Variants in LINGO2 observed in about 807,000 individuals in gnomAD.
LINGO2 encodes the protein leucine-rich repeat and immunoglobulin-like domain-containing nogo receptor-interacting protein 2.
A neutral mutation model predicts 30.6 loss-of-function variants in LINGO2; 14 were observed. The observed-to-expected ratio is 0.46, with a 90% CI of 0.30 to 0.72. LINGO2 has a LOEUF of 0.72. LINGO2 is among the 30% of genes least tolerant of loss of function. LINGO2 has a pLI of 0.07. For synonymous variants in LINGO2, 317 were observed against 288.5 expected (o/e 1.10, Z -1.00); for missense variants, 729 against 751.7 (o/e 0.97, Z 0.35).
intron 4 of LINGO2, chr9:28,149,382 A>C (rs369895266): frequency 9.4e-5 from 35 of 371,914 alleles, no homozygotes; most frequent in African/African-American, 3.0e-4. Flanking sequence ...CGCCTCTGCC[A>C]GGCTGCTCCA....
chr9:28,728,373 T>C, the LINGO2 span, among the ~76,000 whole-genome samples: 1 of 149,994 alleles, frequency 6.7e-6, no homozygotes, highest in Non-Finnish European at 1.5e-5. Context: ...AAATTATTAT[T>C]CACAAAAAAA....
the LINGO2 span, among the ~76,000 whole-genome samples, chr9:29,040,623 T>C: frequency 9.1e-3 from 1,375 of 151,472 alleles, 21 homozygotes; most frequent in African/African-American, 0.032. Flanking sequence ...ACATATGTCA[T>C]TGAGAAGCTT....
chr9:27,961,694 A>C (rs938894324), intron 5 of LINGO2, among the ~76,000 whole-genome samples: 1 of 152,178 alleles, frequency 6.6e-6, no homozygotes, highest in Non-Finnish European at 1.5e-5. Context: ...CGAAAAATAG[A>C]CTTGCAGAAG....
the LINGO2 span, among the ~76,000 whole-genome samples, chr9:29,165,537 G>C: frequency 6.6e-6 from 1 of 151,980 alleles, no homozygotes; most frequent in African/African-American, 2.4e-5. Flanking sequence ...TGTCTCCTGA[G>C]CCTAGGATAA....
intron 4 of LINGO2, among the ~76,000 whole-genome samples, chr9:28,189,168 G>C (rs1819653867): frequency 6.6e-6 from 1 of 150,392 alleles, no homozygotes; most frequent in Admixed American, 6.7e-5. Flanking sequence ...ACTCAGAAAT[G>C]AAAACAAAGA....
chr9:28,669,735 C>T (rs1248322389), intron 1 of LINGO2, among the ~76,000 whole-genome samples: 3 of 151,940 alleles, frequency 2.0e-5, no homozygotes, highest in African/African-American at 7.2e-5. Context: ...AGGAACTCAG[C>T]TTTCATTTAA....
At chr9:28,445,226 C>A (rs895764540) in intron 2 of LINGO2, among the ~76,000 whole-genome samples, 1 of 152,106 alleles carries the variant, frequency 6.6e-6, no homozygotes, top group Non-Finnish European at 1.5e-5. Flanking sequence ...TAAGTCTGAA[C>A]CCTTGTCAAT....
At chr9:29,008,390 C>A in the LINGO2 span, among the ~76,000 whole-genome samples, 1 of 152,044 alleles carries the variant, frequency 6.6e-6, no homozygotes, top group Non-Finnish European at 1.5e-5. Flanking sequence ...AAAACATACA[C>A]GTGGATGTGT....
At chr9:28,425,926 C>T (rs1823392183) in intron 2 of LINGO2, among the ~76,000 whole-genome samples, 1 of 151,748 alleles carries the variant, frequency 6.6e-6, no homozygotes, top group African/African-American at 2.4e-5. Flanking sequence ...TTTTGAAATG[C>T]CTATTCAGCT....
At chr9:28,789,271 G>T in the LINGO2 span, among the ~76,000 whole-genome samples, 1 of 151,954 alleles carries the variant, frequency 6.6e-6, no homozygotes, top group African/African-American at 2.4e-5. Flanking sequence ...AAGGAAAGAG[G>T]AATAGTTCAT....
the LINGO2 span, among the ~76,000 whole-genome samples, chr9:29,188,687 C>T: frequency 7.1e-6 from 1 of 141,734 alleles, no homozygotes; most frequent in Non-Finnish European, 1.6e-5. Context: ...GATGGGGCGG[C>T]TGGCCAGGCG....
chr9:28,233,015 G>C (rs560675791), intron 4 of LINGO2, among the ~76,000 whole-genome samples: 1 of 111,402 alleles, frequency 9.0e-6, no homozygotes. Context: ...CTTCTCATGA[G>C]AGAGACAGTA....
the LINGO2 span, among the ~76,000 whole-genome samples, chr9:28,884,904 ATATG>A: frequency 7.8e-6 from 1 of 128,884 alleles, no homozygotes; most frequent in Non-Finnish European, 1.6e-5. Context: ...GATACTATAT[ATATG>A]TATTTAGATA....
the LINGO2 span, among the ~76,000 whole-genome samples, chr9:29,135,366 T>G: frequency 1.3e-5 from 2 of 152,022 alleles, no homozygotes; most frequent in East Asian, 1.9e-4. Context: ...GAGACCATCC[T>G]GGCCAACATG....
intron 1 of LINGO2, among the ~76,000 whole-genome samples, chr9:28,620,259 C>T (rs1826331942): frequency 6.6e-6 from 1 of 152,048 alleles, no homozygotes. Flanking sequence ...GGTAAGTAAA[C>T]TGTGTTATTT....
the LINGO2 span, among the ~76,000 whole-genome samples, chr9:28,998,373 A>G: frequency 2.6e-5 from 4 of 152,156 alleles, no homozygotes; most frequent in African/African-American, 7.2e-5. Flanking sequence ...ATCTGATTCA[A>G]TGCCATGTTT....
At chr9:28,768,137 A>C in the LINGO2 span, among the ~76,000 whole-genome samples, 3 of 152,220 alleles carry the variant, frequency 2.0e-5, no homozygotes, top group Non-Finnish European at 4.4e-5. Context: ...TTATTTGGCT[A>C]CCCAGAGTTA....
the LINGO2 span, among the ~76,000 whole-genome samples, chr9:28,851,977 A>G: frequency 2.0e-5 from 3 of 151,934 alleles, no homozygotes; most frequent in African/African-American, 7.2e-5. Context: ...TACAGCAGAA[A>G]GTATCAGTAT....
At chr9:29,088,767 T>A in the LINGO2 span, among the ~76,000 whole-genome samples, 1,290 of 152,238 alleles carry the variant, frequency 8.5e-3, 23 homozygotes, top group African/African-American at 0.029. Context: ...TCTGAAAAAA[T>A]TATTTTGGAA....
Sources: allele counts gnomAD v4.1 joint callset (sites outside exome capture counted in the v4.1 genomes callset), GRCh38; gene constraint gnomAD v4.1.1; transcripts MANE v1.5; gene names NCBI Gene and HGNC (gene_info 2026-07-23, HGNC 2026-07-21).